Variants in HRH1 observed in about 807,000 individuals in gnomAD.
HRH1 encodes histamine H1 receptor.
Under a neutral mutation model 10.3 loss-of-function variants are expected in HRH1, and 6 were observed. The observed-to-expected ratio is 0.58, with a 90% CI of 0.32 to 1.15. The LOEUF (loss-of-function observed/expected upper bound fraction) is 1.15. Among genes scored for constraint, HRH1 ranks in the 50% most tolerant of loss-of-function variants. The pLI is 0.05. For missense variants in HRH1, 514 were observed against 615.3 expected (o/e 0.84, Z 1.74); for synonymous variants, 242 against 236.7 (o/e 1.02, Z -0.21).
intron 1 of HRH1, among the ~76,000 whole-genome samples, chr3:11,144,411 A>ATACG (rs1936365735): frequency 7.9e-5 from 2 of 25,302 alleles, no homozygotes; most frequent in African/African-American, 3.3e-4. Context: ...ATAGACATAC[A>ATACG]TCTATAGGTA....
At position 11,261,388 on chromosome 3, in the gene HRH1, G is replaced by A. The variant is rs1470630256; in HGVS notation, c.*887G>A. 1 of 167,072 alleles carries A rather than the reference G, an allele frequency of 6.0e-6. No individual in the cohort carries two copies. The highest frequency in any genetic ancestry group is 1.5e-5 in the Non-Finnish European group (1 of 68,126). 10.3% of individuals were successfully genotyped at this position (167,072 alleles called of 1,614,324 possible). ...TAAGCCCCACAACACCCCACAGGAG[G>A]GTAATTTTCTAACTCTAGTTTGCAG... On this transcript the variant is annotated 3_prime_UTR_variant, in exon 2 of 2. Transcript: ENST00000431010.
chr3:11,157,397 A>T (rs1346758618), intron 1 of HRH1, among the ~76,000 whole-genome samples: 1 of 152,204 alleles, frequency 6.6e-6, no homozygotes, highest in Non-Finnish European at 1.5e-5. Context: ...CTGATCCAAG[A>T]TGTTTTATCT....
intron 1 of HRH1, among the ~76,000 whole-genome samples, chr3:11,155,421 G>A (rs1385725631): frequency 6.6e-6 from 1 of 152,194 alleles, no homozygotes; most frequent in African/African-American, 2.4e-5. Flanking sequence ...GCAGGAGCTG[G>A]AGTACAGCAG....
intron 1 of HRH1, among the ~76,000 whole-genome samples, chr3:11,254,288 A>G (rs1020813058): frequency 2.0e-5 from 3 of 152,076 alleles, no homozygotes; most frequent in Non-Finnish European, 4.4e-5. Flanking sequence ...CCTTCTCCAT[A>G]TGCTTCTCTT....
In HRH1 at chr3:11,187,380, T is replaced by C. The variant is rs145721822; in HGVS notation, c.-36+32826T>C. On this transcript the variant is annotated intron_variant, in intron 1 of 1. Coordinates refer to ENST00000431010, the MANE Select transcript of HRH1 (RefSeq NM_001098212.2). ...TTTTCTTTTAACTACAAAGGTTATA[T>C]AATAGAATTACAAAACATTTTGAAG... 6.4e-4 allele frequency among the ~76,000 whole-genome samples: 98 copies of C among 152,040 alleles called. 3 individuals are homozygous for C. In the East Asian group the frequency reaches 0.019, roughly 29 times the overall value.
rs148144008 is a variant in HRH1 at position 11,200,519 on chromosome 3, C to T, written c.-36+45965C>T. 7.9e-5 allele frequency among the ~76,000 whole-genome samples: 12 copies of T among 152,268 alleles called. No individual in the cohort carries two copies. In the East Asian group the frequency reaches 2.3e-3, roughly 29 times the overall value. ...CCACAAAGCTTCCTAGAGGCCAGGC[C>T]AGGAAATCATTCCTCCCTCCTCTGT... On this transcript the variant is annotated intron_variant, in intron 1 of 1. Coordinates refer to ENST00000431010, the MANE Select transcript of HRH1 (RefSeq NM_001098212.2).
intron 1 of HRH1, among the ~76,000 whole-genome samples, chr3:11,177,798 C>T (rs755867179): frequency 1.3e-5 from 2 of 152,202 alleles, no homozygotes; most frequent in Non-Finnish European, 2.9e-5. Context: ...ACGGAGCAGA[C>T]CCTTTGTGCT....
At chr3:11,239,061 T>C (rs1047663893) in intron 1 of HRH1, among the ~76,000 whole-genome samples, 13 of 152,254 alleles carry the variant, frequency 8.5e-5, no homozygotes, top group African/African-American at 3.1e-4. Context: ...ATGGTAACTA[T>C]GTTTAACCAT....
At chr3:11,257,194 A>G (rs1327538893) in intron 1 of HRH1, among the ~76,000 whole-genome samples, 2 of 150,198 alleles carry the variant, frequency 1.3e-5, no homozygotes, top group Non-Finnish European at 3.0e-5. Context: ...CAGAGGTTGC[A>G]GTGAGCTGAG....
At chr3:11,153,904 T>C (rs1936711046), upstream of HRH1, among the ~76,000 whole-genome samples, 1 of 152,172 alleles carries the variant, frequency 6.6e-6, no homozygotes, top group Non-Finnish European at 1.5e-5. Flanking sequence ...GGGGTCTCTT[T>C]AGTTCCCCGA....
intron 1 of HRH1, among the ~76,000 whole-genome samples, chr3:11,248,421 G>A (rs970409786): frequency 3.3e-5 from 5 of 152,228 alleles, no homozygotes; most frequent in Middle Eastern, 3.4e-3. Context: ...ATAAACATGA[G>A]GATCAAAGGA....
chr3:11,221,225 CATTT>C (rs1489926858), intron 1 of HRH1, among the ~76,000 whole-genome samples: 1 of 152,104 alleles, frequency 6.6e-6, no homozygotes, highest in African/African-American at 2.4e-5. Flanking sequence ...TTTAGTTTCT[CATTT>C]ATTTATTTAT....
intron 1 of HRH1, among the ~76,000 whole-genome samples, chr3:11,220,150 G>C (rs1469042505): frequency 6.6e-6 from 1 of 151,870 alleles, no homozygotes; most frequent in East Asian, 1.9e-4. Context: ...TTACCTCCTA[G>C]CATTGTGGTG....
chr3:11,175,592 A>T (rs548208803), intron 1 of HRH1, among the ~76,000 whole-genome samples: 58 of 152,346 alleles, frequency 3.8e-4, no homozygotes, highest in Middle Eastern at 3.4e-3. Flanking sequence ...CCACACAGTA[A>T]AGGAGAAATA....
At position 11,262,205 on chromosome 3, in the gene HRH1, A is replaced by G. The variant is rs200822677; in HGVS notation, c.*1704A>G. ...GTATAGCATATGGAGTGCCTGTACA[A>G]GCTGATGTTTTGTATTTTGTGTTCC... On this transcript the variant is annotated 3_prime_UTR_variant, in exon 2 of 2. Transcript: ENST00000431010. 4.8e-5 allele frequency: 8 copies of G among 167,208 alleles called. No homozygotes were observed. In the East Asian group the frequency reaches 1.4e-3, roughly 28 times the overall value. The allele number at this position is 167,208 out of a possible 1,614,324, so 10.4% of individuals were successfully genotyped here. A position where few individuals can be genotyped will look rare whatever the true frequency, so the allele number is the denominator to read the frequency against.
chr3:11,194,977 T>C (rs772771742), intron 1 of HRH1, among the ~76,000 whole-genome samples: 1 of 152,180 alleles, frequency 6.6e-6, no homozygotes, highest in African/African-American at 2.4e-5. Flanking sequence ...ACCGAAAACA[T>C]CATCACTGTG....
At chr3:11,206,815 C>A (rs988574536) in intron 1 of HRH1, among the ~76,000 whole-genome samples, 2 of 152,226 alleles carry the variant, frequency 1.3e-5, no homozygotes, top group Non-Finnish European at 2.9e-5. Context: ...AAAGGAGATG[C>A]AGAGACCACC....
chr3:11,258,659 A>G (rs1939849616), intron 1 of HRH1, among the ~76,000 whole-genome samples: 1 of 152,100 alleles, frequency 6.6e-6, no homozygotes, highest in Non-Finnish European at 1.5e-5. Flanking sequence ...GATGCAGCCC[A>G]CCTTCCCAGA....
chr3:11,225,445 T>C (rs1418047479), intron 1 of HRH1, among the ~76,000 whole-genome samples: 1 of 152,202 alleles, frequency 6.6e-6, no homozygotes, highest in Non-Finnish European at 1.5e-5. Context: ...AACTCTGATC[T>C]GGCAGGCACT....
Sources: gnomAD v4.1 joint callset for allele counts (sites outside exome capture counted in the v4.1 genomes callset) on GRCh38, gnomAD v4.1.1 for gene constraint, MANE v1.5 for transcripts, NCBI Gene and HGNC (gene_info 2026-07-23, HGNC 2026-07-21) for gene names.